The following VPS53 variants were observed in gnomAD, a reference collection of about 807,000 sequenced individuals.
VPS53 encodes the protein vacuolar protein sorting-associated protein 53 homolog.
VPS53 carries 70 observed loss-of-function variants against 107.0 expected under a neutral mutation model. That is an observed-to-expected ratio of 0.65 (90% CI 0.54 to 0.80). The LOEUF is 0.80. VPS53 is among the 30% of genes least tolerant of loss of function. VPS53 has a pLI of 0.00. For synonymous variants in VPS53, 409 were observed against 393.3 expected (o/e 1.04, Z -0.47); for missense variants, 917 against 1,049.4 (o/e 0.87, Z 1.74).
intron 10 of VPS53, among the ~76,000 whole-genome samples, chr17:626,718 T>C (rs887225078): frequency 3.2e-4 from 48 of 152,216 alleles, no homozygotes; most frequent in African/African-American, 1.1e-3. Context: ...CACACTGTAT[T>C]GGGAGTGGGA....
At chr17:532,967 G>A in intron 18 of VPS53, 56 bp from the exon 19 acceptor site, 2 of 1,580,230 alleles carry the variant, frequency 1.3e-6, no homozygotes, top group Admixed American at 3.6e-5. Flanking sequence ...GGAAAGAAAT[G>A]CAAAAACTTT....
intron 19 of VPS53, among the ~76,000 whole-genome samples, chr17:528,186 C>T (rs1463513633): frequency 6.6e-6 from 1 of 152,186 alleles, no homozygotes; most frequent in African/African-American, 2.4e-5. Context: ...GTACAGCTGT[C>T]AGCATTATCT....
In VPS53 at chr17:562,758, AAAAAAACCAAAAATGTTATTTTACTTC is replaced by A; in HGVS notation, c.1314-40_1314-14del. ...CTCTCCGAGGTTCCTAGGAGGAAAA[AAAAAAACCAAAAATGTTATTTTACTTC>A]AAGAAAAGTAAAGCAAATGTGCTCG... On this transcript the variant is annotated splice_polypyrimidine_tract_variant and intron_variant, in intron 13 of 21. Coordinates refer to ENST00000437048, the MANE Select transcript of VPS53 (RefSeq NM_001128159.3). The A allele has an allele frequency of 6.3e-7, 1 of 1,586,704 alleles. No individual in the cohort carries two copies. Among genetic ancestry groups the A allele is most frequent in the Non-Finnish European group, 8.6e-7 (1 of 1,168,958 alleles).
At chr17:651,176 A>G (rs779783659) in intron 7 of VPS53, among the ~76,000 whole-genome samples, 1 of 152,198 alleles carries the variant, frequency 6.6e-6, no homozygotes, top group African/African-American at 2.4e-5. Flanking sequence ...CCATTAAACT[A>G]CAGATTTACG....
chr17:577,011 T>C (rs1055297859), intron 13 of VPS53, among the ~76,000 whole-genome samples: 9 of 146,922 alleles, frequency 6.1e-5, no homozygotes, highest in Non-Finnish European at 1.3e-4. Flanking sequence ...AGGACCTCAA[T>C]GCATTCCCAG....
At chr17:623,481 C>T (rs1969556823) in intron 11 of VPS53, 52 bp downstream of exon 11, 6 of 1,571,564 alleles carry the variant, frequency 3.8e-6, no homozygotes, top group Non-Finnish European at 5.2e-6. Context: ...CCCTGAATCC[C>T]AACCACCCAA....
chr17:699,510 C>CT lies in VPS53; in HGVS notation c.169-131dup, dbSNP rs200529095. On this transcript the variant is annotated intron_variant, in intron 2 of 21. Coordinates refer to ENST00000437048, the MANE Select transcript of VPS53 (RefSeq NM_001128159.3). ...ATTTAATCACATGATATGAGTTTTG[C>CT]TTTAAAAAAAAAAAAAGTAAAGCAG... The CT allele has an allele frequency of 3.0e-3, 1,907 of 634,966 alleles. 25 individuals carry two copies. The African/African-American group carries it at 0.033, about 11-fold the overall frequency. The allele number at this position is 634,966 out of a possible 1,614,324, so 39.3% of individuals were successfully genotyped here.
At position 586,581 on chromosome 17, in the gene VPS53, T is replaced by A. The variant is rs1261342928; in HGVS notation, c.1219-217A>T. On this transcript the variant is annotated intron_variant, in intron 12 of 21. Coordinates refer to ENST00000437048, the MANE Select transcript of VPS53 (RefSeq NM_001128159.3). ...TTGCTCTGGACGATGAAAGACATAC[T>A]GCTACCTGGATAACATATGTGTTTT... 3.9e-5 allele frequency among the ~76,000 whole-genome samples: 6 copies of A among 152,334 alleles called. No homozygotes were observed. In the East Asian group the frequency reaches 1.2e-3, roughly 29 times the overall value.
intron 13 of VPS53, among the ~76,000 whole-genome samples, chr17:578,349 T>G (rs905997974): frequency 4.5e-5 from 6 of 133,390 alleles, no homozygotes; most frequent in African/African-American, 1.4e-4. Flanking sequence ...AGAGAAATTC[T>G]CTCAGAACCT....
In VPS53 at chr17:700,530, A is replaced by G. The variant is rs1973158378; in HGVS notation, c.169-1150T>C. On this transcript the variant is annotated intron_variant, in intron 2 of 21. Coordinates refer to ENST00000437048, the MANE Select transcript of VPS53 (RefSeq NM_001128159.3). ...TGTGCCATTGCACTCCAGCCTGGGC[A>G]ACAAGAGCAAAACTCTGTCTCAAAA... 2.0e-5 allele frequency among the ~76,000 whole-genome samples: 3 copies of G among 152,116 alleles called. No individual in the cohort carries two copies. In the South Asian group the frequency reaches 6.2e-4, roughly 32 times the overall value.
At chr17:709,280 G>A (rs774634782) in intron 2 of VPS53, among the ~76,000 whole-genome samples, 2 of 151,904 alleles carry the variant, frequency 1.3e-5, no homozygotes, top group Non-Finnish European at 2.9e-5. Flanking sequence ...ATCATCTCTA[G>A]TGTATTTGTT....
intron 5 of VPS53, 24 bp downstream of exon 5, chr17:661,785 G>T (rs1427563817): frequency 1.3e-6 from 2 of 1,547,544 alleles, no homozygotes; most frequent in Admixed American, 4.0e-5. Flanking sequence ...GGTGCAAAAA[G>T]GTTAGGAAGA....
chr17:706,951 C>T (rs921437150), intron 2 of VPS53, among the ~76,000 whole-genome samples: 2 of 152,132 alleles, frequency 1.3e-5, no homozygotes, highest in African/African-American at 4.8e-5. Flanking sequence ...GGCTGCCAGA[C>T]GGAATTTTAA....
chr17:654,884 C>T (rs567810552), intron 6 of VPS53, among the ~76,000 whole-genome samples: 248 of 152,206 alleles, frequency 1.6e-3, no homozygotes, highest in Non-Finnish European at 2.9e-3. Context: ...TGGTGGACAC[C>T]GACCACCCCA....
At chr17:617,101 G>A (rs542615683) in intron 11 of VPS53, among the ~76,000 whole-genome samples, 4 of 152,300 alleles carry the variant, frequency 2.6e-5, no homozygotes, top group African/African-American at 9.6e-5. Flanking sequence ...TGGATTACCA[G>A]CTCACAGAGC....
chr17:628,432 C>A (rs1024017305), intron 8 of VPS53, among the ~76,000 whole-genome samples: 1 of 152,164 alleles, frequency 6.6e-6, no homozygotes, highest in Middle Eastern at 3.2e-3. Context: ...TTACAGCAAG[C>A]GACAGAAAAA....
chr17:654,698 C>T (rs1403586159), intron 6 of VPS53, among the ~76,000 whole-genome samples: 1 of 141,816 alleles, frequency 7.1e-6, no homozygotes, highest in Non-Finnish European at 1.5e-5. Context: ...GATCGCGCCA[C>T]TGCACTCCAG....
rs1567757527 is a variant in VPS53, at chr17:710,632, G to A, written c.88-19C>T. 3 of 1,556,492 alleles carry A rather than the reference G, an allele frequency of 1.9e-6. No individual in the cohort carries two copies. The highest frequency in any genetic ancestry group is 2.7e-6 in the Non-Finnish European group (3 of 1,131,004). ...GAAACACCTATATAGAAAGAGAGGA[G>A]TATATATAAAAACATGTAGTATACC... On this transcript the variant is annotated intron_variant, in intron 1 of 21. Coordinates refer to ENST00000437048, the MANE Select transcript of VPS53 (RefSeq NM_001128159.3).
chr17:590,626 T>C (rs1967593618), intron 12 of VPS53, among the ~76,000 whole-genome samples: 1 of 152,148 alleles, frequency 6.6e-6, no homozygotes, highest in South Asian at 2.1e-4. Flanking sequence ...TCTGCATCTA[T>C]TGAGATAATC....
Sources: gnomAD v4.1 joint callset for allele counts (sites outside exome capture counted in the v4.1 genomes callset) on GRCh38, gnomAD v4.1.1 for gene constraint, MANE v1.5 for transcripts, NCBI Gene and HGNC (gene_info 2026-07-23, HGNC 2026-07-21) for gene names.